The following TTC1 variants were observed in gnomAD, a reference collection of about 807,000 sequenced individuals.
TTC1 encodes tetratricopeptide repeat domain 1, also known as tetratricopeptide repeat protein 1.
TTC1 carries 31 observed loss-of-function variants against 37.6 expected under a neutral mutation model. The observed-to-expected ratio is 0.82, with a 90% confidence interval of 0.62 to 1.11. The LOEUF (loss-of-function observed/expected upper bound fraction) is 1.11. TTC1 is among the 50% of genes most tolerant of loss of function. The pLI, the probability that TTC1 is intolerant of heterozygous loss-of-function variation, is 0.00. For synonymous variants in TTC1, 127 were observed against 122.4 expected (o/e 1.04, Z -0.25); for missense variants, 351 against 339.0 (o/e 1.04, Z -0.28).
intron 4 of TTC1, among the ~76,000 whole-genome samples, chr5:160,040,823 T>C (rs553608611): frequency 7.3e-4 from 111 of 151,974 alleles, no homozygotes; most frequent in Non-Finnish European, 1.3e-3. Context: ...TTTCACAGAT[T>C]AGTCTTGAAC....
At chr5:160,054,794 C>T (rs760535623) in intron 7 of TTC1, among the ~76,000 whole-genome samples, 8 of 152,156 alleles carry the variant, frequency 5.3e-5, no homozygotes, top group Non-Finnish European at 1.2e-4. Context: ...ATGAGTATAT[C>T]TAAGCCTTTA....
In TTC1 at chr5:160,010,912, G is replaced by A. The variant is rs548263348; in HGVS notation, c.330+54G>A. The A allele has an allele frequency of 4.0e-4, 604 of 1,521,842 alleles. 8 individuals carry two copies. The South Asian group carries it at 6.7e-3, about 17-fold the overall frequency. 94.3% of individuals were successfully genotyped at this position (1,521,842 alleles called of 1,614,324 possible). ...TGCCACTTACACTGCATTTTAAAATGTGGTCGATACTGTATCATAGACCAC... is the reference window on the plus strand; with the variant it reads ...TGCCACTTACACTGCATTTTAAAATATGGTCGATACTGTATCATAGACCAC... On this transcript the variant is annotated intron_variant, in intron 2 of 7. Transcript: ENST00000231238.
At chr5:160,012,451 A>G (rs1168354566) in intron 2 of TTC1, among the ~76,000 whole-genome samples, 2 of 151,598 alleles carry the variant, frequency 1.3e-5, no homozygotes, top group East Asian at 1.9e-4. Flanking sequence ...TGCAGTTTCA[A>G]CCTCCTGGGC....
chr5:160,048,455 AGCACT>A (rs1561636381), intron 5 of TTC1, among the ~76,000 whole-genome samples: 6 of 152,250 alleles, frequency 3.9e-5, no homozygotes, highest in South Asian at 4.1e-4. Flanking sequence ...ACACCCGGCC[AGCACT>A]GCTTTCTAAT....
chr5:160,052,227 GC>G (rs1459380596), intron 7 of TTC1, among the ~76,000 whole-genome samples: 11 of 152,244 alleles, frequency 7.2e-5, no homozygotes, highest in Middle Eastern at 3.4e-3. Flanking sequence ...ATTAAACTTG[GC>G]CAGGCACGGT....
chr5:160,057,007 T>C lies in TTC1; in HGVS notation c.745+5824T>C, dbSNP rs1420244112. Reference sequence around the variant, plus strand: ...TTTTTTTCCACATTTCTCTTCATACTATTCTGCCTGATATCTGTCATTACA... The same window carrying C: ...TTTTTTTCCACATTTCTCTTCATACCATTCTGCCTGATATCTGTCATTACA... On this transcript the variant is annotated intron_variant, in intron 7 of 7. Transcript: ENST00000231238. The surrounding 1 kb of genome is among the most constrained non-coding windows in gnomAD (Gnocchi z 4.4). Among the ~76,000 whole-genome samples, 1 of 152,076 alleles carries C rather than the reference T, an allele frequency of 6.6e-6. No homozygotes were observed. The highest frequency in any genetic ancestry group is 1.9e-4 in the East Asian group (1 of 5,190).
chr5:160,061,067 C>T (rs557672580), intron 7 of TTC1, among the ~76,000 whole-genome samples: 6 of 152,348 alleles, frequency 3.9e-5, no homozygotes, highest in South Asian at 2.1e-4. Context: ...TCCTGTGGCA[C>T]GGGAACCGTA....
Position 160,049,675 on chromosome 5 carries a change from A to C in TTC1, c.690+13A>C. The C allele has an allele frequency of 6.4e-7, 1 of 1,550,404 alleles. No homozygotes were observed. Among genetic ancestry groups the C allele is most frequent in the Non-Finnish European group, 8.7e-7 (1 of 1,155,760 alleles). On this transcript the variant is annotated intron_variant, in intron 6 of 7. Transcript: ENST00000231238. ...AGAAGCTTGTATGGTAAAACCTAAAATTTTAAAAATATTTTTCCTTCTATT... is the reference window on the plus strand; with the variant it reads ...AGAAGCTTGTATGGTAAAACCTAAACTTTTAAAAATATTTTTCCTTCTATT...
intron 2 of TTC1, among the ~76,000 whole-genome samples, chr5:160,016,996 A>T (rs532107626): frequency 1.3e-5 from 2 of 152,366 alleles, no homozygotes; most frequent in African/African-American, 4.8e-5. Flanking sequence ...GCTCTCAGAG[A>T]GTATAGTGTA....
In TTC1 at chr5:160,065,070, G is replaced by A; in HGVS notation, c.*5G>A. 6.2e-7 allele frequency: 1 copy of A among 1,608,136 alleles called. No individual in the cohort carries two copies. Among genetic ancestry groups the A allele is most frequent in the Non-Finnish European group, 8.5e-7 (1 of 1,178,806 alleles). On this transcript the variant is annotated 3_prime_UTR_variant, in exon 8 of 8. Transcript: ENST00000231238. The stretch of plus-strand genomic sequence containing the variant: ...AATCCAAATAATAACAGATAACAAA[G>A]ATAACAAAAGCTTTACAAGCTGACT...
intron 7 of TTC1, among the ~76,000 whole-genome samples, chr5:160,063,875 C>G (rs556534473): frequency 1.3e-5 from 2 of 151,748 alleles, no homozygotes; most frequent in African/African-American, 4.8e-5. Flanking sequence ...CTCCTGGGCT[C>G]AAACCCTCCT....
At chr5:160,031,553 GC>G (rs1271733884) in intron 2 of TTC1, among the ~76,000 whole-genome samples, 2 of 152,120 alleles carry the variant, frequency 1.3e-5, no homozygotes, top group Non-Finnish European at 2.9e-5. Flanking sequence ...GGCAGAGGTT[GC>G]AGTGAGCCAA....
rs577917795 is a variant in TTC1 at position 160,043,062 on chromosome 5, C to A, written c.505-71C>A. ...CATAAGCAGTTATTAGTGATCAGATCATGTCATTAAGCCTTTGGGCCATTA... is the reference window on the plus strand; with the variant it reads ...CATAAGCAGTTATTAGTGATCAGATAATGTCATTAAGCCTTTGGGCCATTA... On this transcript the variant is annotated intron_variant, in intron 4 of 7. Coordinates refer to ENST00000231238, the MANE Select transcript of TTC1 (RefSeq NM_003314.3). 7.1e-5 allele frequency: 106 copies of A among 1,486,182 alleles called. 1 individual carries two copies. In the South Asian group the frequency reaches 1.2e-3, roughly 16 times the overall value. 92.1% of individuals were successfully genotyped at this position (1,486,182 alleles called of 1,614,324 possible).
chr5:160,036,824 C>A (rs1333765126), intron 4 of TTC1, 21 bp downstream of exon 4: 2 of 1,560,826 alleles, frequency 1.3e-6, no homozygotes, highest in African/African-American at 1.4e-5. Context: ...GTGACCTTTT[C>A]TTTTTAAAAA....
At chr5:160,034,081 A>G (rs1756962861) in intron 2 of TTC1, among the ~76,000 whole-genome samples, 1 of 151,550 alleles carries the variant, frequency 6.6e-6, no homozygotes, top group Non-Finnish European at 1.5e-5. Flanking sequence ...ACATCTGTGA[A>G]TAGACACTGC....
chr5:160,045,520 A>ACACACACACACACACC (rs1202139318), intron 5 of TTC1, among the ~76,000 whole-genome samples: 1 of 54,884 alleles, frequency 1.8e-5, no homozygotes, highest in Admixed American at 2.3e-4. Context: ...ACACATACAC[A>ACACACACACACACACC]CTCTCTCTCT....
At chr5:160,023,953 A>C in intron 2 of TTC1, 2 of 1,565,952 alleles carry the variant, frequency 1.3e-6, no homozygotes, top group Non-Finnish European at 1.8e-6. Context: ...CTTCCTCATC[A>C]GGTATCAGAG....
intron 2 of TTC1, among the ~76,000 whole-genome samples, chr5:160,012,370 T>C (rs978432512): frequency 2.1e-5 from 3 of 145,560 alleles, no homozygotes; most frequent in Non-Finnish European, 4.5e-5. Context: ...CTTTTATGAT[T>C]TTTTTTTTTT....
chr5:160,043,573 C>T (rs1757140711), intron 5 of TTC1, among the ~76,000 whole-genome samples: 1 of 152,172 alleles, frequency 6.6e-6, no homozygotes, highest in Non-Finnish European at 1.5e-5. Flanking sequence ...GCCTGGGTAA[C>T]AGAGTGACCC....
Sources: gnomAD v4.1 joint callset for allele counts (sites outside exome capture counted in the v4.1 genomes callset) on GRCh38, gnomAD v4.1.1 for gene constraint, Gnocchi (gnomAD v3.1) non-coding constraint, MANE v1.5 for transcripts, NCBI Gene and HGNC (gene_info 2026-07-23, HGNC 2026-07-21) for gene names.